RUNX2: variants seen among roughly 807,000 people sequenced by gnomAD.
RUNX2 encodes runt-related transcription factor 2.
In RUNX2, 10 loss-of-function variants were observed where a neutral mutation model predicts 51.7. The observed-to-expected ratio is 0.19, with a 90% CI of 0.12 to 0.33. The LOEUF is 0.33. RUNX2 is among the 10% of genes least tolerant of loss of function. The pLI, the probability that RUNX2 is intolerant of heterozygous loss-of-function variation, is 1.00. For missense variants in RUNX2, 562 were observed against 691.3 expected, an observed-to-expected ratio of 0.81 and a Z score of 2.10; for synonymous variants, 276 against 273.6, an observed-to-expected ratio of 1.01 and a Z score of -0.09.
At chr6:45,430,049 G>A (rs183780661) in intron 3 of RUNX2, among the ~76,000 whole-genome samples, 24 of 151,708 alleles carry the variant, frequency 1.6e-4, no homozygotes, top group African/African-American at 5.1e-4. Flanking sequence ...AGCCGAGATC[G>A]TGCCACTGCA....
At chr6:45,480,611 G>A (rs905244574) in intron 5 of RUNX2, among the ~76,000 whole-genome samples, 2 of 152,200 alleles carry the variant, frequency 1.3e-5, no homozygotes, top group South Asian at 2.1e-4. Flanking sequence ...ACTGACATGT[G>A]CCTATGCACT....
chr6:45,382,320 A>G (rs2150342943), intron 2 of RUNX2, among the ~76,000 whole-genome samples: 1 of 152,356 alleles, frequency 6.6e-6, no homozygotes, highest in South Asian at 2.1e-4. Context: ...TAAATGCCTA[A>G]AATAAATACC....
At chr6:45,422,544 C>T in intron 2 of RUNX2, 49 bp from the exon 3 acceptor site, 1 of 1,544,808 alleles carries the variant, frequency 6.5e-7, no homozygotes, top group Non-Finnish European at 8.8e-7. Context: ...CCTCCCCCTC[C>T]CCCGGCCACT....
At chr6:45,349,369 C>T (rs755110117) in intron 2 of RUNX2, among the ~76,000 whole-genome samples, 18 of 152,140 alleles carry the variant, frequency 1.2e-4, no homozygotes, top group Non-Finnish European at 2.5e-4. Context: ...CCATCTGCTA[C>T]GGCTATGATT....
intron 2 of RUNX2, among the ~76,000 whole-genome samples, chr6:45,330,092 G>A (rs1196499093): frequency 1.3e-5 from 2 of 151,656 alleles, no homozygotes; most frequent in Non-Finnish European, 2.9e-5. Flanking sequence ...CTCTTACAGG[G>A]TGAGGAAATG....
At chr6:45,381,556 T>C (rs1428906227) in intron 2 of RUNX2, among the ~76,000 whole-genome samples, 1 of 152,076 alleles carries the variant, frequency 6.6e-6, no homozygotes, top group Non-Finnish European at 1.5e-5. Flanking sequence ...GCCTCCTCAG[T>C]AGCTGGGACT....
intron 6 of RUNX2, among the ~76,000 whole-genome samples, chr6:45,506,969 CTT>C (rs747344094): frequency 2.1e-5 from 3 of 143,394 alleles, no homozygotes; most frequent in Non-Finnish European, 1.5e-5. Flanking sequence ...GTTTTCTTTC[CTT>C]TTTTTTTTTT....
chr6:45,388,382 T>C (rs1380228395), intron 2 of RUNX2, among the ~76,000 whole-genome samples: 1 of 152,204 alleles, frequency 6.6e-6, no homozygotes, highest in Non-Finnish European at 1.5e-5. Context: ...CAGAGGCTTG[T>C]TAAATTGCAG....
chr6:45,530,956 C>T (rs1231531915), intron 7 of RUNX2, among the ~76,000 whole-genome samples: 1 of 152,152 alleles, frequency 6.6e-6, no homozygotes, highest in African/African-American at 2.4e-5. Context: ...TAGTGCTTTA[C>T]ATCTATAGAA....
chr6:45,405,650 G>A (rs777871348), intron 2 of RUNX2, among the ~76,000 whole-genome samples: 4 of 152,128 alleles, frequency 2.6e-5, no homozygotes, highest in Admixed American at 6.6e-5. Context: ...TTAGCCGGGC[G>A]GTGGTGGGCG....
intron 2 of RUNX2, among the ~76,000 whole-genome samples, chr6:45,406,455 C>T (rs1266668421): frequency 6.6e-6 from 1 of 152,164 alleles, no homozygotes; most frequent in Non-Finnish European, 1.5e-5. Flanking sequence ...CACTCTGTCA[C>T]CCAGGCTGGG....
intron 2 of RUNX2, among the ~76,000 whole-genome samples, chr6:45,397,719 C>T (rs1034093503): frequency 1.3e-5 from 2 of 152,070 alleles, no homozygotes; most frequent in East Asian, 1.9e-4. Flanking sequence ...TTGCTAGTCA[C>T]GTAATATTTT....
intron 5 of RUNX2, among the ~76,000 whole-genome samples, chr6:45,482,065 G>A (rs182244955): frequency 9.2e-5 from 14 of 152,354 alleles, no homozygotes; most frequent in Admixed American, 7.2e-4. Context: ...TAGTAGGTTA[G>A]AGGTGTATTA....
intron 2 of RUNX2, among the ~76,000 whole-genome samples, chr6:45,414,090 AT>A (rs1798011021): frequency 1.3e-5 from 2 of 152,252 alleles, no homozygotes; most frequent in Non-Finnish European, 2.9e-5. Flanking sequence ...CTTCTGCTTC[AT>A]CTTAATGAGG....
rs986797436 is a variant in RUNX2 at position 45,549,918 on chromosome 6, A to C, written c.*2613A>C. The C allele has an allele frequency of 2.0e-5, 3 of 151,040 alleles. No individual in the cohort carries two copies. Among genetic ancestry groups the C allele is most frequent in the African/African-American group, 7.4e-5 (3 of 40,760 alleles). 9.4% of individuals were successfully genotyped at this position (151,040 alleles called of 1,614,324 possible). Reference sequence around the variant, plus strand: ...TCTTCCCTCCACCCTCACTCCAACCACCCCAATGGGGGTAATTCACATTTC... The same window carrying C: ...TCTTCCCTCCACCCTCACTCCAACCCCCCCAATGGGGGTAATTCACATTTC... On this transcript the variant is annotated 3_prime_UTR_variant, in exon 9 of 9. Transcript: ENST00000647337.
At chr6:45,453,660 A>G (rs1012302183) in intron 5 of RUNX2, among the ~76,000 whole-genome samples, 3 of 152,230 alleles carry the variant, frequency 2.0e-5, no homozygotes, top group Non-Finnish European at 4.4e-5. Context: ...AGCACAATCA[A>G]GAAGGATGGA....
At chr6:45,431,726 T>A in intron 3 of RUNX2, 137 bp from the exon 4 acceptor site, 1 of 980,294 alleles carries the variant, frequency 1.0e-6, no homozygotes, top group South Asian at 1.3e-5. Context: ...CACAGATGCT[T>A]CATTCCTGTC....
intron 5 of RUNX2, among the ~76,000 whole-genome samples, chr6:45,460,207 T>C (rs191217364): frequency 8.5e-5 from 13 of 152,070 alleles, no homozygotes; most frequent in Admixed American, 7.2e-4. Flanking sequence ...ATTCTCAACA[T>C]TGGAAATAGG....
At chr6:45,349,463 C>T (rs1465624969) in intron 2 of RUNX2, among the ~76,000 whole-genome samples, 2 of 152,150 alleles carry the variant, frequency 1.3e-5, no homozygotes, top group African/African-American at 4.8e-5. Context: ...GTCTCTGGAT[C>T]ACCAACATCA....
Sources: gnomAD v4.1 joint callset for allele counts (sites outside exome capture counted in the v4.1 genomes callset) on GRCh38, gnomAD v4.1.1 for gene constraint, MANE v1.5 for transcripts, NCBI Gene and HGNC (gene_info 2026-07-23, HGNC 2026-07-21) for gene names.